Variants in ZBTB40 observed in about 807,000 individuals in gnomAD.
ZBTB40 encodes zinc finger and BTB domain containing 40.
ZBTB40 carries 60 observed loss-of-function variants against 117.5 expected under a neutral mutation model. The observed-to-expected ratio is 0.51, with a 90% CI of 0.41 to 0.63. ZBTB40 has a LOEUF of 0.63. ZBTB40 is among the 30% of genes least tolerant of loss of function. The probability of loss-of-function intolerance (pLI) is 0.00; values close to 1 mark genes in which losing one functional copy is unlikely to be tolerated. For missense variants in ZBTB40, 1,287 were observed against 1,498.5 expected, an observed-to-expected ratio of 0.86 and a Z score of 2.33; for synonymous variants, 525 against 577.1, an observed-to-expected ratio of 0.91 and a Z score of 1.29.
chr1:22,431,431 C>T (rs1352588111), intron 1 of ZBTB40, among the ~76,000 whole-genome samples: 2 of 132,260 alleles, frequency 1.5e-5, no homozygotes, highest in South Asian at 2.3e-4. Flanking sequence ...AATTGTTATA[C>T]GTCCTCAGTG....
At chr1:22,436,708 G>T (rs546309152) in intron 1 of ZBTB40, among the ~76,000 whole-genome samples, 1 of 151,916 alleles carries the variant, frequency 6.6e-6, no homozygotes, top group East Asian at 1.9e-4. Context: ...CCTCAACTAC[G>T]TTATGCTGAG....
chr1:22,497,832 G>C lies in ZBTB40; in HGVS notation c.832-3660G>C, dbSNP rs150293241. ...ACCTCTTTGAAGTTCATCTAAAGTA[G>C]TAGTAGTAACGCCTCCCAGGCCTGG... On this transcript the variant is annotated intron_variant, in intron 3 of 17. Transcript: ENST00000375647. Among the ~76,000 whole-genome samples the C allele has an allele frequency of 1.9e-3, 287 of 152,332 alleles. 1 individual carries two copies. Among genetic ancestry groups the C allele is most frequent in the African/African-American group, 6.6e-3 (273 of 41,564 alleles).
At position 22,529,764 on chromosome 1, in the gene ZBTB40, CCT is replaced by C. The variant is rs1388557991; in HGVS notation, c.*3371_*3372del. 1 of 152,218 alleles carries C rather than the reference CCT, an allele frequency of 6.6e-6. No homozygotes were observed. Among genetic ancestry groups the C allele is most frequent in the East Asian group, 1.9e-4 (1 of 5,282 alleles). The allele number at this position is 152,218 out of a possible 1,614,324, so 9.4% of individuals were successfully genotyped here. On this transcript the variant is annotated 3_prime_UTR_variant, in exon 18 of 18. Transcript: ENST00000375647. ...CAGGTTTCCCTGGCAATCCAGGTCT[CCT>C]CTGAGGAAGCATTCTGACTTCCCAC...
At chr1:22,431,089 A>T (rs544322530) in intron 1 of ZBTB40, among the ~76,000 whole-genome samples, 36 of 151,598 alleles carry the variant, frequency 2.4e-4, no homozygotes, top group Middle Eastern at 6.8e-3. Context: ...CTTCTTTATC[A>T]GTTTCTGAGA....
chr1:22,434,825 C>A (rs1415127394), intron 1 of ZBTB40, among the ~76,000 whole-genome samples: 3 of 152,054 alleles, frequency 2.0e-5, no homozygotes, highest in African/African-American at 7.2e-5. Context: ...AGTTTAATAT[C>A]TGGCAGGGCT....
rs1448992093 is a variant in ZBTB40 at position 22,502,445 on chromosome 1, A to G, written c.1167+4A>G. ...CCTGACTGGCACTGAAAAAAGGGTAACTGTGTCAAGTGTCTCCTCCCTCCT... is the reference window on the plus strand; with the variant it reads ...CCTGACTGGCACTGAAAAAAGGGTAGCTGTGTCAAGTGTCTCCTCCCTCCT... On this transcript the variant is annotated splice_donor_region_variant and intron_variant, in intron 5 of 17. Coordinates refer to ENST00000375647, the MANE Select transcript of ZBTB40 (RefSeq NM_014870.4). 1 of 1,613,968 alleles carries G rather than the reference A, an allele frequency of 6.2e-7. No individual in the cohort carries two copies. The highest frequency in any genetic ancestry group is 1.7e-5 in the Admixed American group (1 of 60,026).
chr1:22,510,049 G>A (rs1332858297), intron 9 of ZBTB40, among the ~76,000 whole-genome samples: 1 of 152,202 alleles, frequency 6.6e-6, no homozygotes, highest in Non-Finnish European at 1.5e-5. Context: ...AGCAAATAGT[G>A]CCAGCTCATT....
chr1:22,464,967 C>T (rs563417009), intron 1 of ZBTB40, among the ~76,000 whole-genome samples: 1 of 152,226 alleles, frequency 6.6e-6, no homozygotes, highest in Non-Finnish European at 1.5e-5. Flanking sequence ...TTTAGGGTGT[C>T]GATTTTCTTC....
chr1:22,450,845 G>C (rs1304835523), upstream of ZBTB40, among the ~76,000 whole-genome samples: 2 of 152,154 alleles, frequency 1.3e-5, no homozygotes, highest in Non-Finnish European at 2.9e-5. Context: ...AGATGGAAAA[G>C]GTATAACCAC....
rs780112220 is a variant in ZBTB40 at position 22,512,088 on chromosome 1, T to C, written c.2415T>C (p.Leu805=). Residue 805 remains leucine (L), a synonymous_variant, in exon 11 of 18, where the codon CTT becomes CTC. Transcript: ENST00000375647. ...PDAPKKKKKR[L]PVTCDLCGRE... ...CCCCCAAGAAGAAGAAGAAGAGGCTTCCAGTGACATGTGACCTCTGTGGCA... is the reference window on the plus strand; with the variant it reads ...CCCCCAAGAAGAAGAAGAAGAGGCTCCCAGTGACATGTGACCTCTGTGGCA... The C allele has an allele frequency of 1.1e-5, 17 of 1,613,594 alleles. No individual in the cohort carries two copies. The Admixed American group carries it at 2.8e-4, about 27-fold the overall frequency.
chr1:22,523,111 CT>C (rs1172723499), intron 16 of ZBTB40, among the ~76,000 whole-genome samples: 2 of 151,708 alleles, frequency 1.3e-5, no homozygotes, highest in African/African-American at 4.8e-5. Flanking sequence ...CCACACCCGA[CT>C]AATTTTTTTT....
Position 22,526,525 on chromosome 1 carries a change from C to A in ZBTB40, c.*129C>A. The A allele has an allele frequency of 8.2e-7, 1 of 1,213,680 alleles. No individual in the cohort carries two copies. Among genetic ancestry groups the A allele is most frequent in the Non-Finnish European group, 1.2e-6 (1 of 843,802 alleles). 75.2% of individuals were successfully genotyped at this position (1,213,680 alleles called of 1,614,324 possible). A position where few individuals can be genotyped will look rare whatever the true frequency, so the allele number is the denominator to read the frequency against. On this transcript the variant is annotated 3_prime_UTR_variant, in exon 18 of 18. Coordinates refer to ENST00000375647, the MANE Select transcript of ZBTB40 (RefSeq NM_014870.4). ...TTAGCTTAGCACCAACCAACACAGT[C>A]TCACCTAGAAAACAGATGGAAGCTT...
At position 22,428,927 on chromosome 1, in the gene ZBTB40, C is replaced by T. The variant is rs182020317; in HGVS notation, c.-157C>T. ...TTTCTTTCTTCTTTCCAGTTACCTC[C>T]TTCTTGCCGGTTGGAATATTGGATT... On this transcript the variant is annotated 5_prime_UTR_variant, in exon 1 of 9. Coordinates refer to the ZBTB40 transcript ENST00000650433. 8.8e-3 allele frequency among the ~76,000 whole-genome samples: 1,333 copies of T among 152,260 alleles called. 23 individuals are homozygous for T. Among genetic ancestry groups the T allele is most frequent in the African/African-American group, 0.03 (1,229 of 41,534 alleles).
intron 1 of ZBTB40, among the ~76,000 whole-genome samples, chr1:22,468,238 C>T (rs1398963151): frequency 6.6e-6 from 1 of 152,052 alleles, no homozygotes; most frequent in Admixed American, 6.5e-5. Flanking sequence ...AAGTGATATG[C>T]CCAAGGTCAC....
chr1:22,513,069 C>A lies in ZBTB40; in HGVS notation c.2607C>A (p.Cys869Ter). 1 of 1,614,184 alleles carries A rather than the reference C, an allele frequency of 6.2e-7. No homozygotes were observed. Among genetic ancestry groups the A allele is most frequent in the Non-Finnish European group, 8.5e-7 (1 of 1,180,030 alleles). The stretch of plus-strand genomic sequence containing the variant: ...ACCGCCCGTTCATGTGCAAGCACTG[C>A]CTCATGACCTTCACCCAGGCCTCCG... ...TGDRPFMCKHCLMTFTQASAL... is the reference protein window; with the variant it reads ...TGDRPFMCKH The change falls in exon 12 of 18, where the codon TGC (cysteine) becomes TGA (stop). Residue 869 changes from cysteine to a stop codon, truncating the protein, a stop_gained. Coordinates refer to ENST00000375647, the MANE Select transcript of ZBTB40 (RefSeq NM_014870.4). LOFTEE classifies it high-confidence loss of function. This position sits in a 1 kb window ranked among gnomAD's most constrained non-coding sequence, Gnocchi z 4.9.
chr1:22,498,865 G>T lies in ZBTB40; in HGVS notation c.832-2627G>T, dbSNP rs1348636219. On this transcript the variant is annotated intron_variant, in intron 3 of 17. Transcript: ENST00000375647. Reference sequence around the variant, plus strand: ...AATTGAGATGCACAAAAGGCAGGCAGGAAGGAAAGGGAAAATAAAAAGGAA... The same window carrying T: ...AATTGAGATGCACAAAAGGCAGGCATGAAGGAAAGGGAAAATAAAAAGGAA... Among the ~76,000 whole-genome samples the T allele has an allele frequency of 2.0e-5, 3 of 151,960 alleles. No homozygotes were observed. The East Asian group carries it at 5.8e-4, about 29-fold the overall frequency.
Position 22,517,383 on chromosome 1 carries a change from GA to G in ZBTB40, c.2753del (p.Asp918AlafsTer29). 6.2e-7 allele frequency: 1 copy of G among 1,614,196 alleles called. No homozygotes were observed. Among genetic ancestry groups the G allele is most frequent in the Non-Finnish European group, 8.5e-7 (1 of 1,180,036 alleles). On this transcript the variant is annotated frameshift_variant, in exon 13 of 18. Transcript: ENST00000375647. LOFTEE classifies it high-confidence loss of function. ...CCGCCACGTGAGGACCCACACCGGG[GA>G]CAAGCCCTATGTCTGCAGAGACTGT... ...LSRHVRTHTGDKPYVCRDCGK... is the reference protein window; with the variant it reads ...LSRHVRTHTGXKPYVCRDCGK...
intron 1 of ZBTB40, among the ~76,000 whole-genome samples, chr1:22,455,752 A>G (rs1640990202): frequency 6.6e-6 from 1 of 152,120 alleles, no homozygotes; most frequent in Non-Finnish European, 1.5e-5. Context: ...TCAAAGCATC[A>G]TTGCAGACAG....
At chr1:22,500,987 T>A (rs1638920500) in intron 3 of ZBTB40, among the ~76,000 whole-genome samples, 1 of 152,202 alleles carries the variant, frequency 6.6e-6, no homozygotes, top group African/African-American at 2.4e-5. Context: ...CAGACATCCC[T>A]GCCCATGAAA....
Sources: gnomAD v4.1 joint callset for allele counts (sites outside exome capture counted in the v4.1 genomes callset) on GRCh38, gnomAD v4.1.1 for gene constraint, Gnocchi (gnomAD v3.1) non-coding constraint, MANE v1.5 for transcripts, NCBI Gene and HGNC (gene_info 2026-07-23, HGNC 2026-07-21) for gene names.